Variants in BCL9 observed in about 807,000 individuals in gnomAD.
The protein encoded by BCL9 is B-cell CLL/lymphoma 9 protein.
A neutral mutation model predicts 88.5 loss-of-function variants in BCL9; 25 were observed. The observed-to-expected ratio is 0.28, with a 90% CI of 0.21 to 0.39. The LOEUF (loss-of-function observed/expected upper bound fraction) is 0.39, where lower values mean the gene tolerates loss of function less well. Among genes scored for constraint, BCL9 ranks in the 10% least tolerant of loss-of-function variants. BCL9 has a pLI of 1.00. For missense variants in BCL9, 1,817 were observed against 1,877.8 expected (o/e 0.97, Z 0.60); for synonymous variants, 711 against 673.3 (o/e 1.06, Z -0.87).
intron 1 of BCL9, among the ~76,000 whole-genome samples, chr1:147,583,658 T>G (rs1656469022): frequency 6.6e-6 from 1 of 152,064 alleles, no homozygotes; most frequent in Non-Finnish European, 1.5e-5. Flanking sequence ...CTATTCAATT[T>G]TTAAAAATTT....
intron 1 of BCL9, among the ~76,000 whole-genome samples, chr1:147,554,521 C>T (rs782146042): frequency 1.3e-5 from 2 of 152,116 alleles, no homozygotes; most frequent in Non-Finnish European, 2.9e-5. Flanking sequence ...CTCATTTTAG[C>T]TATTAGTTGC....
chr1:147,602,275 C>T (rs1657435763), intron 1 of BCL9, among the ~76,000 whole-genome samples: 1 of 149,930 alleles, frequency 6.7e-6, no homozygotes, highest in African/African-American at 2.5e-5. Context: ...GGCACGATCT[C>T]AGCTCACTGC....
At chr1:147,584,832 C>T (rs1656529298) in intron 1 of BCL9, among the ~76,000 whole-genome samples, 1 of 152,354 alleles carries the variant, frequency 6.6e-6, no homozygotes, top group South Asian at 2.1e-4. Flanking sequence ...GAGATGAGGG[C>T]CAGGGCCGGC....
intron 1 of BCL9, among the ~76,000 whole-genome samples, chr1:147,588,649 TG>T (rs1465805779): frequency 1.3e-5 from 2 of 151,916 alleles, no homozygotes; most frequent in African/African-American, 4.8e-5. Flanking sequence ...AATTCAGAGG[TG>T]GGAAAGCAGT....
At chr1:147,566,950 G>C (rs1277017576) in intron 1 of BCL9, among the ~76,000 whole-genome samples, 2 of 151,998 alleles carry the variant, frequency 1.3e-5, no homozygotes, top group Non-Finnish European at 2.9e-5. Flanking sequence ...AACTAATCTT[G>C]TACAGAAGCT....
At position 147,625,684 on chromosome 1, in the gene BCL9, A is replaced by G. The variant is rs752118428; in HGVS notation, c.*725A>G. ...TCAGCACTGTCTTGTCTCCCAATATACCAACCCACTGGCACATTTTTCTCT... is the reference window on the plus strand; with the variant it reads ...TCAGCACTGTCTTGTCTCCCAATATGCCAACCCACTGGCACATTTTTCTCT... On this transcript the variant is annotated 3_prime_UTR_variant, in exon 10 of 10. Transcript: ENST00000234739. The G allele has an allele frequency of 4.7e-5, 11 of 232,068 alleles. No homozygotes were observed. The highest frequency in any genetic ancestry group is 9.4e-5 in the Non-Finnish European group (11 of 117,322). 14.4% of individuals were successfully genotyped at this position (232,068 alleles called of 1,614,324 possible). A position where few individuals can be genotyped will look rare whatever the true frequency, so the allele number is the denominator to read the frequency against.
rs1654972541 is a variant in BCL9, at chr1:147,553,264, T to C, written c.-478+11590T>C. 2.0e-5 allele frequency among the ~76,000 whole-genome samples: 3 copies of C among 152,162 alleles called. 1 individual carries two copies. The highest frequency in any genetic ancestry group is 7.2e-5 in the African/African-American group (3 of 41,434). On this transcript the variant is annotated intron_variant, in intron 1 of 9. Transcript: ENST00000234739. ...GTAAGGTAGAACCTCAGCTAAGCTCTCTTATTCTGTTTTGGTTTGGTTCTT... is the reference window on the plus strand; with the variant it reads ...GTAAGGTAGAACCTCAGCTAAGCTCCCTTATTCTGTTTTGGTTTGGTTCTT...
In BCL9 at chr1:147,619,564, T is replaced by C. The variant is rs782483527; in HGVS notation, c.1409T>C (p.Ile470Thr). 1.2e-6 allele frequency: 2 copies of C among 1,613,804 alleles called. No individual in the cohort carries two copies. Among genetic ancestry groups the C allele is most frequent in the Non-Finnish European group, 1.7e-6 (2 of 1,179,934 alleles). Residue 470 changes from isoleucine to threonine, a missense_variant, in exon 8 of 10, where the codon ATA (isoleucine) becomes ACA (threonine). Coordinates refer to ENST00000234739, the MANE Select transcript of BCL9 (RefSeq NM_004326.4). This position sits in a 1 kb window ranked among gnomAD's most constrained non-coding sequence, Gnocchi z 4.1. ...CTTGACCATATGACTCCCGAGCAGA[T>C]AGCGTGGCTGAAACTGCAGCAGGAG... The part of the protein sequence containing the change: ...DHLDHMTPEQ[I>T]AWLKLQQEFY...
chr1:147,575,005 G>A (rs781958891), intron 1 of BCL9, among the ~76,000 whole-genome samples: 5 of 152,166 alleles, frequency 3.3e-5, no homozygotes, highest in Non-Finnish European at 7.3e-5. Context: ...TTAAACCTTT[G>A]AGGGCTGACT....
At chr1:147,623,526 C>T (rs587764756) in intron 9 of BCL9, among the ~76,000 whole-genome samples, 3 of 152,290 alleles carry the variant, frequency 2.0e-5, no homozygotes, top group East Asian at 3.9e-4. Context: ...TTGTTTTCTT[C>T]TGTATTAAAT....
At chr1:147,614,717 C>A in intron 6 of BCL9, 101 bp downstream of exon 6, 1 of 1,278,880 alleles carries the variant, frequency 7.8e-7, no homozygotes, top group Non-Finnish European at 1.1e-6. Flanking sequence ...CTAAAGTTAA[C>A]AGTACAGATA....
intron 1 of BCL9, among the ~76,000 whole-genome samples, chr1:147,558,541 C>T (rs751502861): frequency 6.6e-5 from 10 of 152,150 alleles, no homozygotes; most frequent in Non-Finnish European, 1.5e-5. Flanking sequence ...ACCACACACG[C>T]TCTGTGGAAG....
At position 147,622,254 on chromosome 1, in the gene BCL9, A is replaced by AT. The variant is rs1658685471; in HGVS notation, c.2903-13dup. On this transcript the variant is annotated splice_polypyrimidine_tract_variant and intron_variant, in intron 8 of 9. Transcript: ENST00000234739. ...TCTAATTCCCTGCCCGTTTTGTTTT[A>AT]TTTTGCTTCCTTTTAGGTGGCCCCC... 1 of 1,613,462 alleles carries AT rather than the reference A, an allele frequency of 6.2e-7. No homozygotes were observed. The highest frequency in any genetic ancestry group is 8.5e-7 in the Non-Finnish European group (1 of 1,179,652).
Position 147,615,869 on chromosome 1 carries a change from TAAC to T in BCL9, c.633_635del (p.Asn211del), listed in dbSNP as rs782669970. 4.3e-6 allele frequency: 7 copies of T among 1,614,038 alleles called. No individual in the cohort carries two copies. The highest frequency in any genetic ancestry group is 5.1e-6 in the Non-Finnish European group (6 of 1,179,996). ...TCTCTTTCCACATCCAGAACATTTCTAACAACAAGACAGAGAGAAGCACAGCGC... is the reference window on the plus strand; with the variant it reads ...TCTCTTTCCACATCCAGAACATTTCTAACAAGACAGAGAGAAGCACAGCGC... On this transcript the variant is annotated inframe_deletion, in exon 7 of 10. Coordinates refer to ENST00000234739, the MANE Select transcript of BCL9 (RefSeq NM_004326.4).
At position 147,573,240 on chromosome 1, in the gene BCL9, C is replaced by T. The variant is rs144043037; in HGVS notation, c.-477-31537C>T. ...ACCATGTGGGTGGATCATCTGAGGT[C>T]AGGAGTTCAAGACCAGCCCGACTAA... On this transcript the variant is annotated intron_variant, in intron 1 of 9. Coordinates refer to ENST00000234739, the MANE Select transcript of BCL9 (RefSeq NM_004326.4). 6.1e-3 allele frequency among the ~76,000 whole-genome samples: 930 copies of T among 152,290 alleles called. 9 individuals carry two copies. The highest frequency in any genetic ancestry group is 0.021 in the African/African-American group (876 of 41,556).
intron 1 of BCL9, among the ~76,000 whole-genome samples, chr1:147,546,344 AT>A (rs1447710188): frequency 1.8e-4 from 27 of 152,008 alleles, no homozygotes; most frequent in African/African-American, 3.9e-4. Context: ...AAAAAAAAAA[AT>A]AATAAATAAT....
intron 3 of BCL9, among the ~76,000 whole-genome samples, chr1:147,610,290 G>A (rs1409895695): frequency 6.6e-6 from 1 of 151,810 alleles, no homozygotes; most frequent in Non-Finnish European, 1.5e-5. Context: ...CATTCATAAT[G>A]TTTTTATTCT....
intron 1 of BCL9, among the ~76,000 whole-genome samples, chr1:147,582,554 C>G (rs891002076): frequency 9.2e-5 from 14 of 152,028 alleles, no homozygotes; most frequent in Admixed American, 8.5e-4. Flanking sequence ...ACCCGAGGGC[C>G]GAATCTGTCC....
At chr1:147,553,412 C>G (rs1553195045) in intron 1 of BCL9, among the ~76,000 whole-genome samples, 1 of 152,186 alleles carries the variant, frequency 6.6e-6, no homozygotes, top group Non-Finnish European at 1.5e-5. Context: ...AGGACTCTTG[C>G]ATCCATGCTA....
Sources: gnomAD v4.1 joint callset for allele counts (sites outside exome capture counted in the v4.1 genomes callset) on GRCh38, gnomAD v4.1.1 for gene constraint, Gnocchi (gnomAD v3.1) non-coding constraint, MANE v1.5 for transcripts, NCBI Gene and HGNC (gene_info 2026-07-23, HGNC 2026-07-21) for gene names.